The following CMIP variants were observed in gnomAD, a reference collection of about 807,000 sequenced individuals.
The protein encoded by CMIP is c-Maf inducing protein, also known as C-Maf-inducing protein.
In CMIP, 13 loss-of-function variants were observed where a neutral mutation model predicts 97.3. The ratio of observed to expected loss-of-function variants is 0.13; its 90% CI spans 0.09 to 0.21. The LOEUF (loss-of-function observed/expected upper bound fraction) is 0.21, where lower values mean the gene tolerates loss of function less well. Ranked by LOEUF, CMIP falls within the 10% of genes least tolerant of loss-of-function variation. The pLI is 1.00. For synonymous variants in CMIP, 538 were observed against 436.3 expected (o/e 1.23, Z -2.91); for missense variants, 847 against 1,024.9 (o/e 0.83, Z 2.37).
intron 1 of CMIP, among the ~76,000 whole-genome samples, chr16:81,594,546 G>A (rs756198449): frequency 1.3e-5 from 2 of 152,080 alleles, no homozygotes; most frequent in African/African-American, 2.4e-5. Context: ...CTGAGACCTC[G>A]AATAGTACTA....
At chr16:81,569,012 C>G (rs1053995546) in intron 1 of CMIP, among the ~76,000 whole-genome samples, 11 of 152,172 alleles carry the variant, frequency 7.2e-5, no homozygotes, top group African/African-American at 2.4e-4. Context: ...TAAATTAGAA[C>G]AGGGGGTGCA....
At chr16:81,499,385 A>G (rs1466028661) in intron 1 of CMIP, among the ~76,000 whole-genome samples, 5 of 152,122 alleles carry the variant, frequency 3.3e-5, no homozygotes, top group Admixed American at 2.6e-4. Context: ...CCTCGCCCCA[A>G]TCTCCAGCTC....
At chr16:81,635,533 T>C (rs970313369) in intron 3 of CMIP, among the ~76,000 whole-genome samples, 11 of 152,214 alleles carry the variant, frequency 7.2e-5, no homozygotes, top group Non-Finnish European at 1.0e-4. Flanking sequence ...ATAAGTATTA[T>C]GCAGTGCCAT....
At chr16:81,546,635 C>G (rs765617471) in intron 1 of CMIP, among the ~76,000 whole-genome samples, 2 of 152,116 alleles carry the variant, frequency 1.3e-5, no homozygotes, top group Non-Finnish European at 1.5e-5. Flanking sequence ...GCTGCGGCCT[C>G]GTGGAGAAAA....
intron 1 of CMIP, among the ~76,000 whole-genome samples, chr16:81,592,828 C>A (rs2091486490): frequency 6.6e-6 from 1 of 152,206 alleles, no homozygotes; most frequent in African/African-American, 2.4e-5. Flanking sequence ...TTGGTGAGGA[C>A]CTGGCATGTG....
intron 1 of CMIP, among the ~76,000 whole-genome samples, chr16:81,578,013 A>G (rs1248632445): frequency 1.3e-5 from 2 of 151,494 alleles, no homozygotes; most frequent in Non-Finnish European, 2.9e-5. Context: ...CACCTTCATC[A>G]CCACCATCAT....
intron 1 of CMIP, among the ~76,000 whole-genome samples, chr16:81,537,867 G>A (rs1481033196): frequency 3.3e-5 from 5 of 152,188 alleles, no homozygotes; most frequent in African/African-American, 4.8e-5. Context: ...GCATGCGTGG[G>A]GTGCAGGGCA....
intron 1 of CMIP, among the ~76,000 whole-genome samples, chr16:81,514,578 G>C (rs912151219): frequency 2.6e-5 from 4 of 152,150 alleles, no homozygotes; most frequent in African/African-American, 9.7e-5. Context: ...AGACTTTAGC[G>C]TGGCTCTCAG....
At chr16:81,613,416 G>A (rs1031228173) in intron 2 of CMIP, among the ~76,000 whole-genome samples, 1 of 152,106 alleles carries the variant, frequency 6.6e-6, no homozygotes, top group Non-Finnish European at 1.5e-5. Flanking sequence ...CAACTTCCCT[G>A]GGCACTAGCT....
At chr16:81,528,367 T>C (rs1292327125) in intron 1 of CMIP, among the ~76,000 whole-genome samples, 1 of 152,116 alleles carries the variant, frequency 6.6e-6, no homozygotes, top group Non-Finnish European at 1.5e-5. Context: ...TCATGCTGAA[T>C]GCTGGATACA....
intron 1 of CMIP, among the ~76,000 whole-genome samples, chr16:81,486,635 G>A (rs938813995): frequency 1.3e-5 from 2 of 152,168 alleles, no homozygotes; most frequent in East Asian, 3.9e-4. Context: ...AGGCTGGAGT[G>A]GGCCGGCCCA....
intron 3 of CMIP, chr16:81,622,271 T>C (rs2092002515): frequency 6.6e-6 from 1 of 152,184 alleles, no homozygotes; most frequent in Non-Finnish European, 1.5e-5. Context: ...CTGAATGTAG[T>C]AGAGTGGGAA....
At chr16:81,700,197 A>C (rs1907237145) in intron 15 of CMIP, among the ~76,000 whole-genome samples, 1 of 152,094 alleles carries the variant, frequency 6.6e-6, no homozygotes, top group Non-Finnish European at 1.5e-5. Flanking sequence ...GTTAGCCCCA[A>C]GGCTTCTCGC....
intron 1 of CMIP, among the ~76,000 whole-genome samples, chr16:81,493,873 T>C (rs1048861638): frequency 5.3e-5 from 8 of 152,220 alleles, no homozygotes; most frequent in Non-Finnish European, 1.2e-4. Context: ...AGGCCTGCCC[T>C]GTGACTCACG....
At chr16:81,644,396 G>A (rs780734157) in intron 3 of CMIP, among the ~76,000 whole-genome samples, 1 of 152,242 alleles carries the variant, frequency 6.6e-6, no homozygotes, top group Non-Finnish European at 1.5e-5. Context: ...GACCCAGGGT[G>A]TCTCTGTGGG....
At chr16:81,541,384 G>T (rs531671855) in intron 1 of CMIP, among the ~76,000 whole-genome samples, 1 of 152,118 alleles carries the variant, frequency 6.6e-6, no homozygotes, top group African/African-American at 2.4e-5. Flanking sequence ...CGGTGGAGCC[G>T]TGTAACCTGT....
chr16:81,649,082 T>C (rs1300914752), intron 3 of CMIP, among the ~76,000 whole-genome samples: 4 of 152,170 alleles, frequency 2.6e-5, no homozygotes, highest in Admixed American at 1.3e-4. Context: ...TGTCTCAGGG[T>C]CCTCCCTATG....
At position 81,541,543 on chromosome 16, in the gene CMIP, A is replaced by G. The variant is rs1030418380; in HGVS notation, c.301-66024A>G. The stretch of plus-strand genomic sequence containing the variant: ...AGCTGTTTGTTTACCAAACCTGGTT[A>G]CGCTGGTGAGAGGTGTTACTGGATT... On this transcript the variant is annotated intron_variant, in intron 1 of 20. Transcript: ENST00000537098. Among the ~76,000 whole-genome samples, 3 of 152,194 alleles carry G rather than the reference A, an allele frequency of 2.0e-5. No individual in the cohort carries two copies. The East Asian group carries it at 5.8e-4, about 29-fold the overall frequency.
At chr16:81,618,964 A>G (rs2091957789) in intron 2 of CMIP, 1 of 152,260 alleles carries the variant, frequency 6.6e-6, no homozygotes, top group African/African-American at 2.4e-5. Flanking sequence ...GAGCTTGGGC[A>G]GTGCTGATGG....
Sources: allele counts gnomAD v4.1 joint callset (sites outside exome capture counted in the v4.1 genomes callset), GRCh38; gene constraint gnomAD v4.1.1; transcripts MANE v1.5; gene names NCBI Gene and HGNC (gene_info 2026-07-23, HGNC 2026-07-21).